The following DOCK6 variants were observed in gnomAD, a reference collection of about 807,000 sequenced individuals.
DOCK6 encodes dedicator of cytokinesis 6.
A neutral mutation model predicts 230.3 loss-of-function variants in DOCK6; 167 were observed. The observed-to-expected ratio is 0.73, with a 90% CI of 0.64 to 0.82. The LOEUF (loss-of-function observed/expected upper bound fraction) is 0.82. Ranked by LOEUF, DOCK6 falls within the 40% of genes least tolerant of loss-of-function variation. DOCK6 has a pLI of 0.00. For synonymous variants in DOCK6, 1,148 were observed against 1,185.0 expected (o/e 0.97, Z 0.64); for missense variants, 2,598 against 2,825.8 (o/e 0.92, Z 1.83).
At chr19:11,204,047 A>G in intron 41 of DOCK6, 34 bp downstream of exon 41, 3 of 1,549,214 alleles carry the variant, frequency 1.9e-6, no homozygotes, top group Non-Finnish European at 2.6e-6. Context: ...CGGGGGTCCC[A>G]GAGGCAGGTG....
intron 22 of DOCK6, 127 bp from the exon 23 acceptor site, chr19:11,229,162 AG>A: frequency 8.2e-7 from 1 of 1,212,264 alleles, no homozygotes. Flanking sequence ...AGGCAGGAGG[AG>A]GGGGACAAGA....
intron 39 of DOCK6, among the ~76,000 whole-genome samples, chr19:11,207,612 T>TA (rs2079283419): frequency 6.6e-6 from 1 of 150,998 alleles, no homozygotes; most frequent in Non-Finnish European, 1.5e-5. Flanking sequence ...GGCAACATAG[T>TA]AAGACTCCCT....
intron 32 of DOCK6, 38 bp from the exon 33 acceptor site, chr19:11,214,687 G>A (rs766435078): frequency 6.3e-7 from 1 of 1,590,592 alleles, no homozygotes; most frequent in South Asian, 1.1e-5. Context: ...CCCACTCGGG[G>A]TGAGATCCTA....
intron 24 of DOCK6, among the ~76,000 whole-genome samples, chr19:11,224,926 T>A (rs1414398556): frequency 6.6e-6 from 1 of 151,438 alleles, no homozygotes; most frequent in African/African-American, 2.4e-5. Flanking sequence ...TAGCCAGGGG[T>A]GGTGGTGGGC....
intron 30 of DOCK6, among the ~76,000 whole-genome samples, chr19:11,216,386 C>T (rs2079487609): frequency 6.6e-6 from 1 of 151,612 alleles, no homozygotes; most frequent in Non-Finnish European, 1.5e-5. Context: ...CCGCACCAGG[C>T]CCTGTTTTAA....
At chr19:11,210,137 ACT>A (rs2079351253) in intron 37 of DOCK6, among the ~76,000 whole-genome samples, 2 of 93,644 alleles carry the variant, frequency 2.1e-5, no homozygotes, top group African/African-American at 4.4e-5. Flanking sequence ...TTACCTGTCC[ACT>A]CTCTCACCTG....
chr19:11,256,210 C>T (rs796065861), intron 1 of DOCK6, among the ~76,000 whole-genome samples: 71 of 152,242 alleles, frequency 4.7e-4, no homozygotes, highest in East Asian at 1.5e-3. Context: ...TTCCTAAAGT[C>T]GGGCTGCTGC....
At chr19:11,234,584 C>T (rs1029275042) in intron 21 of DOCK6, among the ~76,000 whole-genome samples, 2 of 151,564 alleles carry the variant, frequency 1.3e-5, no homozygotes, top group African/African-American at 4.8e-5. Flanking sequence ...ATGTCACTTA[C>T]TATTACCAGT....
chr19:11,240,771 T>C (rs1376461938), intron 14 of DOCK6, among the ~76,000 whole-genome samples: 1 of 151,822 alleles, frequency 6.6e-6, no homozygotes, highest in East Asian at 2.0e-4. Context: ...GATTTCACCA[T>C]GTTGGCCAGG....
rs780378774 is a variant in DOCK6, at chr19:11,235,637, C to T, written c.2515G>A (p.Ala839Thr). ...GGCTCAGTGCCAGGAAGGCGAAAGG[C>T]GTAGTGGACGTAGGCAGCCAGCTGT... ...CPQLAAYVHY[A>T]FRLPGTEPSL... The change falls in exon 21 of 48, where the codon GCC becomes ACC. Residue 839 changes from alanine (A) to threonine (T), a missense_variant. By Grantham distance (58) the Ala-to-Thr change is moderately conservative. Transcript: ENST00000294618. The T allele has an allele frequency of 8.7e-6, 14 of 1,602,702 alleles. No homozygotes were observed. The Admixed American group carries it at 1.2e-4, about 14-fold the overall frequency.
chr19:11,199,652 G>C lies in DOCK6; in HGVS notation c.6102-113C>G, dbSNP rs1268562291. ...TCGTCTTCCTCCAAGGATCCTTCTGGGATCTCTCCTGTCCCTGATCTGGCT... is the reference window on the plus strand; with the variant it reads ...TCGTCTTCCTCCAAGGATCCTTCTGCGATCTCTCCTGTCCCTGATCTGGCT... On this transcript the variant is annotated intron_variant, in intron 47 of 47. Transcript: ENST00000294618. The C allele has an allele frequency of 3.4e-6, 4 of 1,162,934 alleles. No individual in the cohort carries two copies. In the Admixed American group the frequency reaches 7.9e-5, roughly 23 times the overall value. The allele number at this position is 1,162,934 out of a possible 1,614,324, so 72.0% of individuals were successfully genotyped here.
At position 11,237,652 on chromosome 19, in the gene DOCK6, C is replaced by T. The variant is rs767027485; in HGVS notation, c.1960G>A (p.Val654Met). ...AGGGGACGGCTCACAGTAAAGCCCA[C>T]GGGTGTCTCCAGGGCAGTGCCCGGC... ...PRPGTALETP[V>M]GFTWIPLLQH... Residue 654 changes from valine to methionine, a missense_variant, in exon 17 of 48, where the codon GTG (valine) becomes ATG (methionine). Val to Met is a conservative substitution (Grantham distance 21). Transcript: ENST00000294618. 2.1e-5 allele frequency: 33 copies of T among 1,596,938 alleles called. No individual in the cohort carries two copies. The highest frequency in any genetic ancestry group is 1.0e-4 in the South Asian group (9 of 88,272).
chr19:11,244,139 T>A (rs980454091), intron 9 of DOCK6, among the ~76,000 whole-genome samples: 2 of 152,110 alleles, frequency 1.3e-5, no homozygotes, highest in Non-Finnish European at 2.9e-5. Flanking sequence ...ATATTTTCCC[T>A]AAATTTACTT....
chr19:11,258,838 C>A (rs1443543991), intron 1 of DOCK6, among the ~76,000 whole-genome samples: 2 of 151,792 alleles, frequency 1.3e-5, no homozygotes, highest in Non-Finnish European at 2.9e-5. Flanking sequence ...CTCACTGCAA[C>A]CTCCACGTCC....
chr19:11,209,193 C>A lies in DOCK6; in HGVS notation c.4752-90G>T, dbSNP rs1172378260. 2.7e-6 allele frequency: 4 copies of A among 1,461,572 alleles called. No individual in the cohort carries two copies. The Admixed American group carries it at 8.1e-5, about 29-fold the overall frequency. The allele number at this position is 1,461,572 out of a possible 1,614,324, so 90.5% of individuals were successfully genotyped here. ...CTTGTCCATTCTCTTCACTGGTTAC[C>A]CCCATGTCCGCCCCAAGGACCAGCC... On this transcript the variant is annotated intron_variant, in intron 37 of 47. Coordinates refer to ENST00000294618, the MANE Select transcript of DOCK6 (RefSeq NM_020812.4).
At chr19:11,249,990 A>T (rs1417230099) in intron 6 of DOCK6, among the ~76,000 whole-genome samples, 1 of 149,814 alleles carries the variant, frequency 6.7e-6, no homozygotes, top group Admixed American at 6.7e-5. Flanking sequence ...AAAGGTATAT[A>T]GTAGGTGTCC....
At chr19:11,257,886 A>G (rs2080222994) in intron 1 of DOCK6, among the ~76,000 whole-genome samples, 1 of 152,158 alleles carries the variant, frequency 6.6e-6, no homozygotes, top group African/African-American at 2.4e-5. Context: ...ACATGAGGCC[A>G]GGAGTTCAAG....
Position 11,240,141 on chromosome 19 carries a change from G to A in DOCK6, c.1644-1837C>T, listed in dbSNP as rs577368422. On this transcript the variant is annotated intron_variant, in intron 14 of 47. Coordinates refer to ENST00000294618, the MANE Select transcript of DOCK6 (RefSeq NM_020812.4). ...CCCACTGTTTATTAAGCAGATGGAG[G>A]AGGATATTCTGCAGCTGCAGGCAGA... 20 of 1,551,686 alleles carry A rather than the reference G, an allele frequency of 1.3e-5. No individual in the cohort carries two copies. In the African/African-American group the frequency reaches 1.8e-4, roughly 14 times the overall value.
At chr19:11,229,072 C>T in intron 22 of DOCK6, 37 bp from the exon 23 acceptor site, 1 of 1,584,104 alleles carries the variant, frequency 6.3e-7, no homozygotes, top group Non-Finnish European at 8.6e-7. Context: ...GTGCGAGGTG[C>T]CACCCCTTCC....
Sources: gnomAD v4.1 joint callset for allele counts (sites outside exome capture counted in the v4.1 genomes callset) on GRCh38, gnomAD v4.1.1 for gene constraint, MANE v1.5 for transcripts, NCBI Gene and HGNC (gene_info 2026-07-23, HGNC 2026-07-21) for gene names.